The following ZIM2 variants were observed in gnomAD, a reference collection of about 807,000 sequenced individuals.
ZIM2 encodes the protein zinc finger protein 656.
ZIM2 carries 14 observed loss-of-function variants against 38.6 expected under a neutral mutation model. That is an observed-to-expected ratio of 0.36 (90% confidence interval 0.24 to 0.57). The LOEUF is 0.57. Ranked by LOEUF, ZIM2 falls within the 20% of genes least tolerant of loss-of-function variation. The pLI is 0.81. For missense variants in ZIM2, 680 were observed against 695.1 expected (o/e 0.98, Z 0.24); for synonymous variants, 247 against 245.8 (o/e 1.00, Z -0.04).
At chr19:56,817,721 T>C (rs773050532) in intron 9 of ZIM2, 25 bp downstream of exon 9, 1 of 1,602,366 alleles carries the variant, frequency 6.2e-7, no homozygotes, top group South Asian at 1.1e-5. Flanking sequence ...GTGTGGCTCC[T>C]CTGTGGGATG....
chr19:56,815,761 G>C (rs764651705), intron 9 of ZIM2: 5 of 1,613,914 alleles, frequency 3.1e-6, no homozygotes, highest in South Asian at 2.2e-5. Flanking sequence ...CTGTATGACA[G>C]AGTCTTCATA....
chr19:56,781,104 A>G (rs2046312491), intron 11 of ZIM2, among the ~76,000 whole-genome samples: 1 of 152,238 alleles, frequency 6.6e-6, no homozygotes, highest in African/African-American at 2.4e-5. Context: ...GTGGTAAGCT[A>G]GAGAAGAGTG....
rs779206047 is a variant in ZIM2, at chr19:56,781,978, C to T, written c.714G>A (p.Glu238=). 1 of 1,613,734 alleles carries T rather than the reference C, an allele frequency of 6.2e-7. No individual in the cohort carries two copies. The highest frequency in any genetic ancestry group is 8.5e-7 in the Non-Finnish European group (1 of 1,179,770). Residue 238 remains glutamate (E), a synonymous_variant, in exon 11 of 13, where the codon GAG becomes GAA. Transcript: ENST00000629319. ...CCAGGGAGACCAGGTTCCGGTAATTCTCCAGCATCACCTCCCTGTAGAGGT... is the reference window on the plus strand; with the variant it reads ...CCAGGGAGACCAGGTTCCGGTAATTTTCCAGCATCACCTCCCTGTAGAGGT... ...QRNLYREVML[E]NYRNLVSLGH... is the part of the protein sequence containing the mutation.
intron 10 of ZIM2, 151 bp from the exon 11 acceptor site, chr19:56,782,272 G>A (rs905157595): frequency 1.0e-5 from 11 of 1,074,666 alleles, no homozygotes; most frequent in African/African-American, 3.2e-5. Context: ...TGAGAGAAGT[G>A]GGAACATTAC....
At chr19:56,830,792 G>A (rs184640783) in intron 2 of ZIM2, among the ~76,000 whole-genome samples, 36 of 152,104 alleles carry the variant, frequency 2.4e-4, no homozygotes, top group African/African-American at 3.9e-4. Context: ...AAAATTAGCC[G>A]GGTGTGGTGG....
intron 9 of ZIM2, among the ~76,000 whole-genome samples, chr19:56,794,210 C>T (rs1180236978): frequency 3.9e-5 from 6 of 152,146 alleles, no homozygotes; most frequent in African/African-American, 7.2e-5. Flanking sequence ...GGGTTAAGTA[C>T]GAACGGTAAT....
At chr19:56,835,889 C>T (rs1011412252) in intron 2 of ZIM2, 129 bp downstream of exon 2, 5 of 387,032 alleles carry the variant, frequency 1.3e-5, no homozygotes, top group African/African-American at 1.0e-4. Context: ...TCTGGGTGTT[C>T]TCAGAGGGCA....
At chr19:56,795,980 C>T (rs1443285602) in intron 9 of ZIM2, among the ~76,000 whole-genome samples, 2 of 152,070 alleles carry the variant, frequency 1.3e-5, no homozygotes, top group Non-Finnish European at 2.9e-5. Context: ...TGAAAATAAG[C>T]GGTAGTCAGT....
rs73935924 is a variant in ZIM2, at chr19:56,831,142, G to T, written c.-226-4679C>A. Among the ~76,000 whole-genome samples, 1,241 of 152,210 alleles carry T rather than the reference G, an allele frequency of 8.2e-3. 12 individuals are homozygous for T. The highest frequency in any genetic ancestry group is 0.028 in the African/African-American group (1,149 of 41,514). ...ACCCTGCATAAGGTCTATTTGGAGT[G>T]GGAGGTGGTTTGTCTGTAAAATGAC... On this transcript the variant is annotated intron_variant, in intron 2 of 12. Transcript: ENST00000629319.
intron 1 of ZIM2, among the ~76,000 whole-genome samples, chr19:56,840,213 C>T (rs567397233): frequency 1.3e-5 from 2 of 152,328 alleles, no homozygotes; most frequent in Non-Finnish European, 2.9e-5. Flanking sequence ...GGCAGAGCCC[C>T]CGGCTGTCTG....
chr19:56,794,082 T>C (rs1291090691), intron 9 of ZIM2, among the ~76,000 whole-genome samples: 1 of 152,202 alleles, frequency 6.6e-6, no homozygotes, highest in Non-Finnish European at 1.5e-5. Flanking sequence ...AGCTGTATTA[T>C]AGTTGTAGGA....
chr19:56,779,271 G>C (rs2046195191), intron 12 of ZIM2, 106 bp downstream of exon 12: 1 of 1,082,988 alleles, frequency 9.2e-7, no homozygotes, highest in Non-Finnish European at 1.4e-6. Flanking sequence ...GAGGAGAAAG[G>C]GCACCTACCA....
At chr19:56,796,884 GCAGA>G (rs1162719869) in intron 9 of ZIM2, among the ~76,000 whole-genome samples, 1 of 152,212 alleles carries the variant, frequency 6.6e-6, no homozygotes, top group Non-Finnish European at 1.5e-5. Flanking sequence ...CAGAAAGCAA[GCAGA>G]CAAACACACC....
At chr19:56,812,681 G>A (rs1028477575) in intron 9 of ZIM2, 55 of 985,370 alleles carry the variant, frequency 5.6e-5, no homozygotes, top group African/African-American at 7.0e-5. Context: ...CCTCTCCTAC[G>A]GTTCTCAACC....
At chr19:56,777,344 T>TA (rs2145830158) in intron 12 of ZIM2, among the ~76,000 whole-genome samples, 1 of 152,324 alleles carries the variant, frequency 6.6e-6, no homozygotes, top group South Asian at 2.1e-4. Flanking sequence ...CTGTTTTCCT[T>TA]ACCCTGCTGT....
At chr19:56,830,714 C>T (rs1325702659) in intron 2 of ZIM2, among the ~76,000 whole-genome samples, 6 of 152,092 alleles carry the variant, frequency 3.9e-5, no homozygotes, top group Admixed American at 3.9e-4. Flanking sequence ...AATAAATCTC[C>T]ATAAATAAAT....
chr19:56,821,874 T>A (rs2060523520), intron 6 of ZIM2, 120 bp from the exon 7 acceptor site: 1 of 1,049,432 alleles, frequency 9.5e-7, no homozygotes, highest in Admixed American at 1.9e-5. Context: ...AGTGCCTTTC[T>A]CTTCTCTGCA....
At chr19:56,801,787 C>A (rs1255266480) in intron 9 of ZIM2, among the ~76,000 whole-genome samples, 1 of 152,172 alleles carries the variant, frequency 6.6e-6, no homozygotes, top group Non-Finnish European at 1.5e-5. Context: ...GAGCTCGATG[C>A]TCTCATCTCA....
chr19:56,820,415 A>G (rs931365525), intron 7 of ZIM2, among the ~76,000 whole-genome samples: 36 of 152,188 alleles, frequency 2.4e-4, no homozygotes, highest in Non-Finnish European at 2.9e-5. Flanking sequence ...TTCTTCACAC[A>G]TTGTCAAGGA....
Sources: gnomAD v4.1 joint callset for allele counts (sites outside exome capture counted in the v4.1 genomes callset) on GRCh38, gnomAD v4.1.1 for gene constraint, MANE v1.5 for transcripts, NCBI Gene and HGNC (gene_info 2026-07-23, HGNC 2026-07-21) for gene names.